The following SH2D4A variants were observed in gnomAD, a reference collection of about 807,000 sequenced individuals.
SH2D4A encodes SH2 domain-containing protein 4A.
SH2D4A carries 70 observed loss-of-function variants against 64.7 expected under a neutral mutation model. The ratio of observed to expected loss-of-function variants is 1.08; its 90% CI spans 0.89 to 1.32. The LOEUF (loss-of-function observed/expected upper bound fraction) is 1.32. Ranked by LOEUF, SH2D4A falls within the 40% of genes most tolerant of loss-of-function variation. The pLI, the probability that SH2D4A is intolerant of heterozygous loss-of-function variation, is 0.00. For synonymous variants in SH2D4A, 268 were observed against 200.7 expected (o/e 1.34, Z -2.83); for missense variants, 706 against 540.1 (o/e 1.31, Z -3.04).
intron 4 of SH2D4A, among the ~76,000 whole-genome samples, chr8:19,347,860 G>C (rs1367683429): frequency 6.6e-6 from 1 of 152,066 alleles, no homozygotes; most frequent in East Asian, 1.9e-4. Context: ...TACAGATGAG[G>C]CCTCTTACCT....
intron 8 of SH2D4A, among the ~76,000 whole-genome samples, chr8:19,390,360 G>T (rs926485653): frequency 6.6e-6 from 1 of 152,140 alleles, no homozygotes; most frequent in African/African-American, 2.4e-5. Context: ...CAGCTTGAGT[G>T]ACTGTTTAAA....
chr8:19,338,223 A>T (rs1370512970), intron 4 of SH2D4A, among the ~76,000 whole-genome samples: 1 of 152,100 alleles, frequency 6.6e-6, no homozygotes, highest in African/African-American at 2.4e-5. Context: ...AGAGAGACAG[A>T]CCCACTTTCT....
At chr8:19,319,183 C>T (rs554285745) in intron 1 of SH2D4A, among the ~76,000 whole-genome samples, 161 bp from the exon 2 acceptor site, 10 of 151,864 alleles carry the variant, frequency 6.6e-5, no homozygotes, top group African/African-American at 2.4e-4. Context: ...AGAGGTTATA[C>T]AAACTCTTAA....
intron 8 of SH2D4A, among the ~76,000 whole-genome samples, chr8:19,390,528 T>C (rs1354538433): frequency 3.9e-5 from 6 of 152,056 alleles, no homozygotes; most frequent in Non-Finnish European, 7.3e-5. Context: ...GATGGATTCA[T>C]GACAGATGGA....
At chr8:19,386,709 T>A (rs111917853) in intron 8 of SH2D4A, among the ~76,000 whole-genome samples, 6 of 152,336 alleles carry the variant, frequency 3.9e-5, no homozygotes, top group African/African-American at 1.4e-4. Flanking sequence ...GAATTTTGAA[T>A]AGAAAAGGGG....
intron 4 of SH2D4A, among the ~76,000 whole-genome samples, chr8:19,343,764 G>C (rs1741787442): frequency 6.6e-6 from 1 of 152,156 alleles, no homozygotes; most frequent in African/African-American, 2.4e-5. Context: ...CCACGAGGAA[G>C]GCATAAGATG....
intron 8 of SH2D4A, among the ~76,000 whole-genome samples, chr8:19,381,705 A>G (rs2053296122): frequency 6.6e-6 from 1 of 152,210 alleles, no homozygotes; most frequent in South Asian, 2.1e-4. Flanking sequence ...AAATGGCAAA[A>G]GTGGGCATCC....
intron 8 of SH2D4A, among the ~76,000 whole-genome samples, chr8:19,384,960 G>A (rs1490547969): frequency 6.6e-6 from 1 of 152,100 alleles, no homozygotes; most frequent in African/African-American, 2.4e-5. Context: ...TTTGCTTTAT[G>A]TATCAATAGT....
At chr8:19,333,731 A>G (rs2052399080) in intron 3 of SH2D4A, among the ~76,000 whole-genome samples, 1 of 152,156 alleles carries the variant, frequency 6.6e-6, no homozygotes, top group African/African-American at 2.4e-5. Flanking sequence ...TTAAGGTACA[A>G]ACAGAAAGTT....
intron 7 of SH2D4A, among the ~76,000 whole-genome samples, chr8:19,372,061 A>C (rs1021223278): frequency 6.6e-6 from 1 of 152,166 alleles, no homozygotes; most frequent in Non-Finnish European, 1.5e-5. Context: ...TGGTGAGGTC[A>C]TATTGTCCTG....
At chr8:19,366,679 C>T (rs911209954) in intron 7 of SH2D4A, among the ~76,000 whole-genome samples, 3 of 152,122 alleles carry the variant, frequency 2.0e-5, no homozygotes, top group Admixed American at 6.6e-5. Context: ...GTAATTCCAG[C>T]TACACTGGAG....
At chr8:19,358,522 G>C (rs576765641) in intron 5 of SH2D4A, among the ~76,000 whole-genome samples, 1 of 152,248 alleles carries the variant, frequency 6.6e-6, no homozygotes, top group South Asian at 2.1e-4. Flanking sequence ...AAGGAAAGAG[G>C]GAAGGAGCAA....
chr8:19,339,990 A>G (rs190987612), intron 4 of SH2D4A, among the ~76,000 whole-genome samples: 1 of 152,290 alleles, frequency 6.6e-6, no homozygotes, highest in Non-Finnish European at 1.5e-5. Context: ...CACATAACAT[A>G]TAATTTCAAA....
chr8:19,353,647 G>T (rs935727826), intron 4 of SH2D4A, among the ~76,000 whole-genome samples: 1 of 145,608 alleles, frequency 6.9e-6, no homozygotes, highest in African/African-American at 2.5e-5. Flanking sequence ...GATTACAGGC[G>T]TGAGCCACCA....
chr8:19,385,644 C>T (rs111693479), intron 8 of SH2D4A, among the ~76,000 whole-genome samples: 1 of 152,182 alleles, frequency 6.6e-6, no homozygotes, highest in African/African-American at 2.4e-5. Context: ...TCCCACTCCT[C>T]CCAACTTCCC....
rs547109997 is a variant in SH2D4A, at chr8:19,387,692, C to T, written c.1049-5626C>T. Reference sequence around the variant, plus strand: ...AGAGCATGTCCCTGGGGCCACAGTGCCTGGCTTCAAATCTGAGTCTCCCCA... The same window carrying T: ...AGAGCATGTCCCTGGGGCCACAGTGTCTGGCTTCAAATCTGAGTCTCCCCA... On this transcript the variant is annotated intron_variant, in intron 8 of 9. Transcript: ENST00000265807. Among the ~76,000 whole-genome samples, 3 of 152,314 alleles carry T rather than the reference C, an allele frequency of 2.0e-5. No individual in the cohort carries two copies. The South Asian group carries it at 6.2e-4, about 32-fold the overall frequency.
intron 3 of SH2D4A, among the ~76,000 whole-genome samples, chr8:19,333,526 C>A (rs1198231039): frequency 1.8e-4 from 28 of 152,140 alleles, no homozygotes; most frequent in Admixed American, 1.8e-3. Context: ...GTGAGAAATG[C>A]AGTGACTGTG....
chr8:19,352,106 G>A (rs35867994), intron 4 of SH2D4A, among the ~76,000 whole-genome samples: 9,125 of 152,166 alleles, frequency 0.06, 366 homozygotes, highest in African/African-American at 0.11. Context: ...ATAAACAAAG[G>A]GAATATTAAG....
intron 4 of SH2D4A, among the ~76,000 whole-genome samples, chr8:19,348,530 A>G (rs1162362956): frequency 6.6e-6 from 1 of 152,204 alleles, no homozygotes; most frequent in Non-Finnish European, 1.5e-5. Flanking sequence ...AACTAAAATT[A>G]AGAGCGCTGT....
Sources: allele counts gnomAD v4.1 joint callset (sites outside exome capture counted in the v4.1 genomes callset), GRCh38; gene constraint gnomAD v4.1.1; transcripts MANE v1.5; gene names NCBI Gene and HGNC (gene_info 2026-07-23, HGNC 2026-07-21).